Variants in CDC16 observed in about 807,000 individuals in gnomAD.
CDC16 encodes the protein cell division cycle protein 16 homolog.
A neutral mutation model predicts 87.0 loss-of-function variants in CDC16; 34 were observed. That is an observed-to-expected ratio of 0.39 (90% confidence interval 0.30 to 0.52). CDC16 has a LOEUF of 0.52. CDC16 is among the 20% of genes least tolerant of loss of function. The probability of loss-of-function intolerance (pLI) is 0.74; values close to 1 mark genes in which losing one functional copy is unlikely to be tolerated. For synonymous variants in CDC16, 263 were observed against 260.6 expected, an observed-to-expected ratio of 1.01 and a Z score of -0.09; for missense variants, 653 against 751.9, an observed-to-expected ratio of 0.87 and a Z score of 1.54.
intron 1 of CDC16, 56 bp from the exon 2 acceptor site, chr13:114,236,585 CTGTT>C: frequency 3.6e-6 from 5 of 1,377,354 alleles, no homozygotes; most frequent in Non-Finnish European, 4.9e-6. Context: ...TATTAGATAA[CTGTT>C]TAAGACTATT....
intron 10 of CDC16, among the ~76,000 whole-genome samples, chr13:114,246,501 C>T (rs796713294): frequency 3.9e-5 from 6 of 152,182 alleles, no homozygotes; most frequent in Admixed American, 6.5e-5. Context: ...TCAGGGACTG[C>T]GTCTTTAAGG....
intron 17 of CDC16, among the ~76,000 whole-genome samples, chr13:114,266,985 C>G (rs1347236696): frequency 6.6e-6 from 1 of 152,020 alleles, no homozygotes; most frequent in East Asian, 1.9e-4. Context: ...CGTGAGCCAC[C>G]ATGTCTGGCC....
rs1357499033 is a variant in CDC16, at chr13:114,234,991, G to GCGGCCGCAGGCA, written c.-93_-92insGGCCGCAGGCAC. ...GAGTCCTGGGGCGGCGGCGGCGGCT[G>GCGGCCGCAGGCA]CAGGCACGGGCACGGGCACGGGGCG... is the stretch of plus-strand genomic sequence containing the variant. On this transcript the variant is annotated 5_prime_UTR_variant, in exon 1 of 18. Transcript: ENST00000356221. 1 of 1,050,324 alleles carries GCGGCCGCAGGCA rather than the reference G, an allele frequency of 9.5e-7. No individual in the cohort carries two copies. 65.1% of individuals were successfully genotyped at this position (1,050,324 alleles called of 1,614,324 possible).
chr13:114,263,845 C>A (rs545381544), intron 16 of CDC16, among the ~76,000 whole-genome samples: 3 of 152,308 alleles, frequency 2.0e-5, no homozygotes, highest in Non-Finnish European at 4.4e-5. Context: ...GGTTTGTGAT[C>A]TAGTCTGTGC....
At chr13:114,262,042 A>G (rs981356038) in intron 15 of CDC16, 94 bp downstream of exon 15, 16 of 696,634 alleles carry the variant, frequency 2.3e-5, no homozygotes, top group Non-Finnish European at 3.1e-5. Flanking sequence ...CATGAGATCA[A>G]CCAGCTTTCT....
intron 17 of CDC16, among the ~76,000 whole-genome samples, chr13:114,265,974 C>T (rs1330326127): frequency 1.3e-5 from 2 of 152,142 alleles, no homozygotes; most frequent in East Asian, 3.9e-4. Context: ...TGCTACCACG[C>T]CTAGCTAATT....
intron 16 of CDC16, 150 bp downstream of exon 16, chr13:114,263,164 T>C: frequency 1.5e-6 from 1 of 689,492 alleles, no homozygotes; most frequent in Non-Finnish European, 2.5e-6. Context: ...GAGAAAAGCA[T>C]GTGGGTGTTG....
intron 17 of CDC16, among the ~76,000 whole-genome samples, 182 bp from the exon 18 acceptor site, chr13:114,272,002 G>C (rs17338424): frequency 0.024 from 3,723 of 152,278 alleles, 159 homozygotes; most frequent in African/African-American, 0.085. Flanking sequence ...GCTCTTAAAA[G>C]TATAATTTGA....
chr13:114,247,056 C>A, intron 11 of CDC16, 52 bp downstream of exon 11: 1 of 1,152,620 alleles, frequency 8.7e-7, no homozygotes, highest in Non-Finnish European at 1.3e-6. Flanking sequence ...TGATGTCTTG[C>A]TCATAAGCTT....
At chr13:114,261,131 G>C (rs189533845) in intron 14 of CDC16, among the ~76,000 whole-genome samples, 1 of 152,164 alleles carries the variant, frequency 6.6e-6, no homozygotes, top group East Asian at 1.9e-4. Flanking sequence ...TTAGGGCAAG[G>C]GTATTCCAGT....
At chr13:114,262,323 T>C (rs558251604) in intron 15 of CDC16, among the ~76,000 whole-genome samples, 1 of 152,378 alleles carries the variant, frequency 6.6e-6, no homozygotes, top group African/African-American at 2.4e-5. Flanking sequence ...TTTTAGGTTA[T>C]TCAAGATTTA....
In CDC16 at chr13:114,234,950, C is replaced by G. The variant is rs373180289; in HGVS notation, c.-135C>G. 1 of 549,506 alleles carries G rather than the reference C, an allele frequency of 1.8e-6. No individual in the cohort carries two copies. The highest frequency in any genetic ancestry group is 2.7e-6 in the Non-Finnish European group (1 of 366,342). 34.0% of individuals were successfully genotyped at this position (549,506 alleles called of 1,614,324 possible). On this transcript the variant is annotated 5_prime_UTR_variant, in exon 1 of 18. Coordinates refer to ENST00000356221, the MANE Select transcript of CDC16 (RefSeq NM_001078645.3). ...GGTGTGGGTGGGGACCTGCGGCCTTCGAGTCCGCGGCCTTCGAGTCCTGGG... is the reference window on the plus strand; with the variant it reads ...GGTGTGGGTGGGGACCTGCGGCCTTGGAGTCCGCGGCCTTCGAGTCCTGGG...
At chr13:114,265,086 A>G in intron 16 of CDC16, 64 bp from the exon 17 acceptor site, 2 of 1,159,774 alleles carry the variant, frequency 1.7e-6, no homozygotes, top group South Asian at 2.4e-5. Context: ...TTTGAAATGA[A>G]TCAGTGTGGT....
intron 1 of CDC16, 69 bp downstream of exon 1, chr13:114,235,201 G>A (rs1448050150): frequency 8.3e-6 from 9 of 1,084,090 alleles, no homozygotes; most frequent in African/African-American, 3.3e-5. Flanking sequence ...GCGTGGGGCT[G>A]GGGTGACTGT....
chr13:114,235,675 A>G (rs1474734628), intron 1 of CDC16, among the ~76,000 whole-genome samples: 2 of 152,136 alleles, frequency 1.3e-5, no homozygotes, highest in East Asian at 1.9e-4. Context: ...CATCAGTTTT[A>G]TCTATATTGT....
At chr13:114,266,337 A>G (rs2083209924) in intron 17 of CDC16, among the ~76,000 whole-genome samples, 1 of 152,332 alleles carries the variant, frequency 6.6e-6, no homozygotes, top group Non-Finnish European at 1.5e-5. Flanking sequence ...GGGTCCTCTC[A>G]TGTGGACATC....
chr13:114,243,084 C>T (rs946725513), intron 6 of CDC16, among the ~76,000 whole-genome samples, 173 bp from the exon 7 acceptor site: 2 of 152,176 alleles, frequency 1.3e-5, no homozygotes, highest in South Asian at 2.1e-4. Context: ...AGATGATTCC[C>T]GTCTTCAGGC....
At chr13:114,240,642 G>C (rs1328325085) in intron 5 of CDC16, among the ~76,000 whole-genome samples, 1 of 152,208 alleles carries the variant, frequency 6.6e-6, no homozygotes, top group East Asian at 1.9e-4. Context: ...ACAGTCATGA[G>C]CCACTGCACC....
At chr13:114,269,537 A>G (rs1407053488) in intron 17 of CDC16, among the ~76,000 whole-genome samples, 1 of 152,184 alleles carries the variant, frequency 6.6e-6, no homozygotes, top group Non-Finnish European at 1.5e-5. Context: ...CACAAACAAG[A>G]GTATTCATAG....
Sources: gnomAD v4.1 joint callset for allele counts (sites outside exome capture counted in the v4.1 genomes callset) on GRCh38, gnomAD v4.1.1 for gene constraint, MANE v1.5 for transcripts, NCBI Gene and HGNC (gene_info 2026-07-23, HGNC 2026-07-21) for gene names.